The following DAB1 variants were observed in gnomAD, a reference collection of about 807,000 sequenced individuals.
The protein encoded by DAB1 is disabled homolog 1.
Under a neutral mutation model 64.6 loss-of-function variants are expected in DAB1, and 15 were observed. The observed-to-expected ratio is 0.23, with a 90% CI of 0.16 to 0.36. DAB1 has a LOEUF of 0.36. DAB1 is among the 10% of genes least tolerant of loss of function. The probability of loss-of-function intolerance (pLI) is 1.00; values close to 1 mark genes in which losing one functional copy is unlikely to be tolerated. For missense variants in DAB1, 596 were observed against 706.7 expected, an observed-to-expected ratio of 0.84 and a Z score of 1.78; for synonymous variants, 235 against 251.9, an observed-to-expected ratio of 0.93 and a Z score of 0.64.
intron 4 of DAB1, among the ~76,000 whole-genome samples, chr1:58,261,941 T>G (rs937767004): frequency 4.6e-5 from 7 of 152,160 alleles, no homozygotes; most frequent in Non-Finnish European, 1.0e-4. Context: ...TTTTAATTTT[T>G]GCAAAAATAG....
At chr1:58,509,922 C>A (rs988944993) in intron 2 of DAB1, among the ~76,000 whole-genome samples, 2 of 151,914 alleles carry the variant, frequency 1.3e-5, no homozygotes, top group African/African-American at 4.8e-5. Context: ...AAGAAATATA[C>A]AACCCACTAA....
chr1:57,505,069 G>A lies in DAB1; in HGVS notation n.625+144523C>T, dbSNP rs1358747502. ...GGTAAAAACCAAGGAAATCTGATAAGGTATGGGCAATAGTTAATAATCATG... is the reference window on the plus strand; with the variant it reads ...GGTAAAAACCAAGGAAATCTGATAAAGTATGGGCAATAGTTAATAATCATG... On this transcript the variant is annotated intron_variant and non_coding_transcript_variant, in intron 7 of 20. Transcript: ENST00000485760. Among the ~76,000 whole-genome samples, 8 of 151,974 alleles carry A rather than the reference G, an allele frequency of 5.3e-5. No individual in the cohort carries two copies. In the South Asian group the frequency reaches 8.3e-4, roughly 16 times the overall value.
chr1:57,226,672 A>AAAATATATATATAT (rs747021990), intron 2 of DAB1, among the ~76,000 whole-genome samples: 20 of 135,998 alleles, frequency 1.5e-4, no homozygotes, highest in African/African-American at 5.6e-4. Flanking sequence ...TTAAAAAAAA[A>AAAATATATATATAT]ATATATATAT....
intron 4 of DAB1, among the ~76,000 whole-genome samples, chr1:58,165,093 G>A (rs1655754216): frequency 6.6e-6 from 1 of 152,056 alleles, no homozygotes; most frequent in South Asian, 2.1e-4. Context: ...TTTTGAAAGG[G>A]GCCCGGACCC....
intron 1 of DAB1, among the ~76,000 whole-genome samples, chr1:57,344,995 A>G (rs1471581332): frequency 1.3e-5 from 2 of 152,154 alleles, no homozygotes; most frequent in South Asian, 2.1e-4. Flanking sequence ...TAGGATATGC[A>G]CTGTCCCAGG....
intron 5 of DAB1, among the ~76,000 whole-genome samples, chr1:58,025,327 C>A (rs531503163): frequency 3.3e-5 from 5 of 152,084 alleles, no homozygotes; most frequent in Admixed American, 2.6e-4. Context: ...GCTTCTAAAT[C>A]AGTACCTCAA....
chr1:57,912,678 G>A (rs1345800391), intron 5 of DAB1, among the ~76,000 whole-genome samples: 2 of 152,158 alleles, frequency 1.3e-5, no homozygotes, highest in South Asian at 2.1e-4. Flanking sequence ...TGACATGATT[G>A]TATATCTAGA....
At chr1:57,072,498 G>A (rs773895860) in intron 4 of DAB1, 84 bp from the exon 5 acceptor site, 40 of 1,478,144 alleles carry the variant, frequency 2.7e-5, no homozygotes, top group East Asian at 1.4e-4. Flanking sequence ...TTTCAGCTAC[G>A]TGTGAACAGG....
At chr1:57,432,737 G>T (rs1421896451) in intron 7 of DAB1, among the ~76,000 whole-genome samples, 1 of 151,990 alleles carries the variant, frequency 6.6e-6, no homozygotes, top group African/African-American at 2.4e-5. Context: ...TCAAGTTGTT[G>T]GATTTCTTTT....
chr1:57,393,528 C>T (rs988485282), intron 1 of DAB1, among the ~76,000 whole-genome samples: 10 of 145,726 alleles, frequency 6.9e-5, no homozygotes, highest in African/African-American at 2.5e-4. Context: ...TCCATCTCTA[C>T]AAAAAAAAAA....
At chr1:57,784,628 C>T (rs1174531327) in intron 6 of DAB1, among the ~76,000 whole-genome samples, 1 of 152,146 alleles carries the variant, frequency 6.6e-6, no homozygotes, top group African/African-American at 2.4e-5. Flanking sequence ...AGAGCAAGGC[C>T]CTGAACTCTT....
chr1:57,653,835 T>A (rs1646284748), intron 6 of DAB1, among the ~76,000 whole-genome samples: 1 of 152,126 alleles, frequency 6.6e-6, no homozygotes, highest in Non-Finnish European at 1.5e-5. Flanking sequence ...TGGTCTCAAC[T>A]CCTGACCTCA....
intron 5 of DAB1, among the ~76,000 whole-genome samples, chr1:58,130,590 T>A (rs2100693821): frequency 6.6e-6 from 1 of 152,270 alleles, no homozygotes; most frequent in South Asian, 2.1e-4. Flanking sequence ...TTGCAGCGGC[T>A]GGTACCGGTT....
At position 57,928,723 on chromosome 1, in the gene DAB1, G is replaced by A. The variant is rs150551294; in HGVS notation, n.388-44561C>T. Among the ~76,000 whole-genome samples, 47 of 152,192 alleles carry A rather than the reference G, an allele frequency of 3.1e-4. No individual in the cohort carries two copies. In the East Asian group the frequency reaches 3.5e-3, roughly 11 times the overall value. On this transcript the variant is annotated intron_variant and non_coding_transcript_variant, in intron 5 of 20. Transcript: ENST00000485760. ...ACAAAGTACGTAGCCTTTTCACATTGGCTCATTTCACTTAGTAATAAACAT... is the reference window on the plus strand; with the variant it reads ...ACAAAGTACGTAGCCTTTTCACATTAGCTCATTTCACTTAGTAATAAACAT...
chr1:58,533,039 T>C (rs941950068), intron 1 of DAB1, among the ~76,000 whole-genome samples: 1 of 152,232 alleles, frequency 6.6e-6, no homozygotes, highest in African/African-American at 2.4e-5. Flanking sequence ...TTCAGTCACT[T>C]CACTATGTAC....
chr1:58,475,462 G>C (rs745860691), intron 3 of DAB1, among the ~76,000 whole-genome samples: 2 of 149,538 alleles, frequency 1.3e-5, no homozygotes, highest in Non-Finnish European at 3.0e-5. Flanking sequence ...GTGCCTGGCT[G>C]AATTAGGTTA....
At chr1:57,499,383 G>A in intron 7 of DAB1, among the ~76,000 whole-genome samples, 1 of 152,210 alleles carries the variant, frequency 6.6e-6, no homozygotes, top group Non-Finnish European at 1.5e-5. Context: ...AGGTAAGGGA[G>A]GGAGGTTGGG....
rs149467061 is a variant in DAB1 at position 57,620,217 on chromosome 1, C to A, written n.625+29375G>T. ...AACCTCCCAGTAGAGGAGCTCAGTG[C>A]GAGAAGGGGTCTGGGCTTTCCACAG... On this transcript the variant is annotated intron_variant and non_coding_transcript_variant, in intron 7 of 20. Coordinates refer to the DAB1 transcript ENST00000485760. Among the ~76,000 whole-genome samples, 548 of 152,112 alleles carry A rather than the reference C, an allele frequency of 3.6e-3. 3 individuals are homozygous for A. The highest frequency in any genetic ancestry group is 0.013 in the African/African-American group (521 of 41,508).
intron 6 of DAB1, among the ~76,000 whole-genome samples, chr1:57,754,875 G>A (rs956432405): frequency 4.6e-5 from 7 of 152,206 alleles, no homozygotes; most frequent in African/African-American, 1.7e-4. Flanking sequence ...TATCAAAGCT[G>A]AGCTCCAAGA....
Sources: gnomAD v4.1 joint callset for allele counts (sites outside exome capture counted in the v4.1 genomes callset) on GRCh38, gnomAD v4.1.1 for gene constraint, MANE v1.5 for transcripts, NCBI Gene and HGNC (gene_info 2026-07-23, HGNC 2026-07-21) for gene names.